The following GYPB variants were observed in gnomAD, a reference collection of about 807,000 sequenced individuals.
GYPB encodes glycophorin B (MNS blood group), also known as glycophorin-B.
A neutral mutation model predicts 15.3 loss-of-function variants in GYPB; 13 were observed. The observed-to-expected ratio is 0.85, with a 90% CI of 0.55 to 1.35. The LOEUF (loss-of-function observed/expected upper bound fraction) is 1.35, where lower values mean the gene tolerates loss of function less well. Among genes scored for constraint, GYPB ranks in the 40% most tolerant of loss-of-function variants. The probability of loss-of-function intolerance (pLI) is 0.00; values close to 1 mark genes in which losing one functional copy is unlikely to be tolerated. For synonymous variants in GYPB, 38 were observed against 36.9 expected (o/e 1.03, Z -0.11); for missense variants, 131 against 108.3 (o/e 1.21, Z -0.93).
intron 1 of GYPB, among the ~76,000 whole-genome samples, chr4:144,015,008 A>C (rs1419670282): frequency 2.0e-5 from 3 of 151,556 alleles, no homozygotes; most frequent in East Asian, 3.9e-4. Context: ...TCATTTTTCC[A>C]GTGCTTACAT....
Position 144,001,386 on chromosome 4 carries a change from T to G in GYPB, c.38-103A>C. ...ATTCCTCTCACATCCCTCCAGTCCC[T>G]GAGCTAAGCGCTTTAGTATATATCT... On this transcript the variant is annotated intron_variant, in intron 1 of 4. Coordinates refer to ENST00000502664, the MANE Select transcript of GYPB (RefSeq NM_002100.6). 3 of 1,588,706 alleles carry G rather than the reference T, an allele frequency of 1.9e-6. No homozygotes were observed. The South Asian group carries it at 3.3e-5, about 18-fold the overall frequency.
intron 2 of GYPB, 109 bp downstream of exon 2, chr4:144,001,076 C>A: frequency 1.9e-6 from 3 of 1,574,224 alleles, no homozygotes. Flanking sequence ...ACTTAGCTCG[C>A]ATTTCTCAGT....
At chr4:144,002,552 C>T in intron 1 of GYPB, 1 of 1,266,440 alleles carries the variant, frequency 7.9e-7, no homozygotes, top group Non-Finnish European at 1.0e-6. Flanking sequence ...CATCAGTACC[C>T]TGAACTCTGT....
At chr4:144,000,440 C>T in intron 2 of GYPB, 1 of 1,178,176 alleles carries the variant, frequency 8.5e-7, no homozygotes. Flanking sequence ...ACTTCATTAG[C>T]AGTATGAGCT....
intron 3 of GYPB, among the ~76,000 whole-genome samples, chr4:143,997,845 C>T (rs1029892424): frequency 6.6e-6 from 1 of 151,220 alleles, no homozygotes; most frequent in African/African-American, 2.5e-5. Context: ...GTCTTTTGTC[C>T]AAGGTCGCAA....
intron 1 of GYPB, among the ~76,000 whole-genome samples, chr4:144,010,108 T>C (rs1235698183): frequency 6.6e-6 from 1 of 151,174 alleles, no homozygotes; most frequent in African/African-American, 2.5e-5. Flanking sequence ...GCAGTCAGGA[T>C]GGCGCATTCC....
intron 1 of GYPB, among the ~76,000 whole-genome samples, chr4:144,009,985 C>T (rs1728135826): frequency 6.6e-6 from 1 of 151,128 alleles, no homozygotes; most frequent in Non-Finnish European, 1.5e-5. Flanking sequence ...AACTAGGGGG[C>T]CAGCCGTTCA....
At chr4:144,016,002 T>C (rs1469549584) in intron 1 of GYPB, among the ~76,000 whole-genome samples, 2 of 151,102 alleles carry the variant, frequency 1.3e-5, no homozygotes, top group African/African-American at 2.5e-5. Flanking sequence ...TGGCTGACAA[T>C]GTGTGGGACA....
In GYPB at chr4:144,015,030, G is replaced by A. The variant is rs149200972; in HGVS notation, c.37+4221C>T. ...TCCAGTGCTTACATATAATAATTTC[G>A]GTTAGACAGAAATTCTTAATAAATG... On this transcript the variant is annotated intron_variant, in intron 1 of 4. Coordinates refer to ENST00000502664, the MANE Select transcript of GYPB (RefSeq NM_002100.6). Among the ~76,000 whole-genome samples the A allele has an allele frequency of 1.1e-3, 163 of 151,238 alleles. 6 individuals carry two copies. Among genetic ancestry groups the A allele is most frequent in the African/African-American group, 3.7e-3 (152 of 40,696 alleles).
intron 1 of GYPB, among the ~76,000 whole-genome samples, chr4:144,014,708 G>T (rs931926689): frequency 6.6e-6 from 1 of 151,332 alleles, no homozygotes; most frequent in Non-Finnish European, 1.5e-5. Flanking sequence ...ATGGTGATGG[G>T]TGTGCATCAT....
chr4:143,996,394 A>T, intron 4 of GYPB, 90 bp from the exon 5 acceptor site: 1 of 1,546,902 alleles, frequency 6.5e-7, no homozygotes, highest in Non-Finnish European at 8.7e-7. Flanking sequence ...TCACAGGCCA[A>T]TCCTTCACAG....
chr4:143,997,532 A>G lies in GYPB; in HGVS notation c.270+8T>C, dbSNP rs749333057. On this transcript the variant is annotated splice_region_variant and intron_variant, in intron 4 of 4. Transcript: ENST00000502664. ...TATTTAGAGCAAAATTAAAAACTGA[A>G]TTCTCACCTTTATCAGTCGGCGAAT... The G allele has an allele frequency of 1.3e-6, 2 of 1,515,720 alleles. No homozygotes were observed. The highest frequency in any genetic ancestry group is 1.8e-6 in the Non-Finnish European group (2 of 1,093,610). 93.9% of individuals were successfully genotyped at this position (1,515,720 alleles called of 1,614,324 possible). A position where few individuals can be genotyped will look rare whatever the true frequency, so the allele number is the denominator to read the frequency against.
chr4:143,995,193 A>C (rs7670319), downstream of GYPB, among the ~76,000 whole-genome samples: 103,250 of 150,756 alleles, frequency 0.68, 36,209 homozygotes, highest in East Asian at 0.95. Context: ...ACCAGATTTT[A>C]TCATGGTGTG....
intron 1 of GYPB, 85 bp downstream of exon 1, chr4:144,019,166 A>G (rs1728656254): frequency 9.4e-6 from 15 of 1,600,010 alleles, no homozygotes; most frequent in Middle Eastern, 1.7e-4. Context: ...TTTAAATAAG[A>G]TAGAACTGAA....
chr4:144,006,682 A>G (rs1396390211), intron 1 of GYPB, among the ~76,000 whole-genome samples: 1 of 151,994 alleles, frequency 6.6e-6, no homozygotes, highest in African/African-American at 2.4e-5. Flanking sequence ...TATCTTGCAT[A>G]AGCAAACTCT....
chr4:144,003,053 A>G (rs1727708309), intron 1 of GYPB, among the ~76,000 whole-genome samples: 1 of 151,544 alleles, frequency 6.6e-6, no homozygotes, highest in African/African-American at 2.5e-5. Flanking sequence ...GCTTTTAAAC[A>G]ATAATCTGGT....
At position 143,997,742 on chromosome 4, in the gene GYPB, G is replaced by A. The variant is rs189284789; in HGVS notation, c.176-108C>T. Reference sequence around the variant, plus strand: ...ACATCACCTTGCCTTTTAATACAAAGTACAGTTAACATACTATTATGTGTA... The same window carrying A: ...ACATCACCTTGCCTTTTAATACAAAATACAGTTAACATACTATTATGTGTA... On this transcript the variant is annotated intron_variant, in intron 3 of 4. Coordinates refer to ENST00000502664, the MANE Select transcript of GYPB (RefSeq NM_002100.6). 2,830 of 695,812 alleles carry A rather than the reference G, an allele frequency of 4.1e-3. 50 individuals are homozygous for A. Among genetic ancestry groups the A allele is most frequent in the South Asian group, 0.03 (1,984 of 67,192 alleles). The allele number at this position is 695,812 out of a possible 1,614,324, so 43.1% of individuals were successfully genotyped here. A position where few individuals can be genotyped will look rare whatever the true frequency, so the allele number is the denominator to read the frequency against.
At chr4:144,017,112 A>G (rs1014555208) in intron 1 of GYPB, among the ~76,000 whole-genome samples, 2 of 150,828 alleles carry the variant, frequency 1.3e-5, no homozygotes, top group Admixed American at 6.6e-5. Context: ...CCTCCATGGG[A>G]GCCCATTTTT....
chr4:143,999,150 A>C, intron 3 of GYPB: 1 of 328,072 alleles, frequency 3.0e-6, no homozygotes, highest in Non-Finnish European at 5.7e-6. Flanking sequence ...TCAAGTGATT[A>C]GCCAGGCTTG....
Sources: gnomAD v4.1 joint callset for allele counts (sites outside exome capture counted in the v4.1 genomes callset) on GRCh38, gnomAD v4.1.1 for gene constraint, MANE v1.5 for transcripts, NCBI Gene and HGNC (gene_info 2026-07-23, HGNC 2026-07-21) for gene names.